GCN1: variants seen among roughly 807,000 people sequenced by gnomAD.
GCN1 encodes GCN1 activator of EIF2AK4, also known as stalled ribosome sensor GCN1.
A neutral mutation model predicts 288.4 loss-of-function variants in GCN1; 90 were observed. The ratio of observed to expected loss-of-function variants is 0.31; its 90% CI spans 0.26 to 0.37. The LOEUF (loss-of-function observed/expected upper bound fraction) is 0.37, where lower values mean the gene tolerates loss of function less well. GCN1 is among the 10% of genes least tolerant of loss of function. The pLI is 1.00. For synonymous variants in GCN1, 1,386 were observed against 1,420.2 expected (o/e 0.98, Z 0.54); for missense variants, 2,586 against 3,419.9 (o/e 0.76, Z 6.08).
chr12:120,171,016 C>A (rs1878297357), intron 14 of GCN1, among the ~76,000 whole-genome samples: 1 of 151,762 alleles, frequency 6.6e-6, no homozygotes, highest in African/African-American at 2.4e-5. Context: ...TGGTGCACGC[C>A]TGTAATCCCA....
At position 120,144,803 on chromosome 12, in the gene GCN1, C is replaced by T; in HGVS notation, c.5188G>A (p.Glu1730Lys). ...TCTGGCATCAACTTCTCCAACTTCTCCACCCCCAAACCGGCCATGACCTCA... is the reference window on the plus strand; with the variant it reads ...TCTGGCATCAACTTCTCCAACTTCTTCACCCCCAAACCGGCCATGACCTCA... ...LAEVMAGLGV[E>K]KLEKLMPEIV... is the part of the protein sequence containing the mutation. The change falls in exon 41 of 58, where the codon GAG becomes AAG. Residue 1730 changes from glutamate to lysine, a missense_variant. Physicochemically the swap from Glu to Lys is moderately conservative, Grantham distance 56 (BLOSUM62 1). Around this residue, in one of 8 missense-constraint regions of GCN1, gnomAD observed 371 missense variants for 572.6 expected, o/e 0.65. Transcript: ENST00000300648. This position sits in a 1 kb window ranked among gnomAD's most constrained non-coding sequence, Gnocchi z 4.7. 6.2e-7 allele frequency: 1 copy of T among 1,614,202 alleles called. No homozygotes were observed. The highest frequency in any genetic ancestry group is 8.5e-7 in the Non-Finnish European group (1 of 1,180,020).
chr12:120,137,448 G>A lies in GCN1; in HGVS notation c.6663+97C>T. 6.9e-7 allele frequency: 1 copy of A among 1,443,242 alleles called. No individual in the cohort carries two copies. Among genetic ancestry groups the A allele is most frequent in the Non-Finnish European group, 9.7e-7 (1 of 1,033,114 alleles). The allele number at this position is 1,443,242 out of a possible 1,614,324, so 89.4% of individuals were successfully genotyped here. A position where few individuals can be genotyped will look rare whatever the true frequency, so the allele number is the denominator to read the frequency against. ...ACGAGTGGGTAAACGCCGAAGCTGA[G>A]TGACAGGTACGTGGGGGATTCTTAT... On this transcript the variant is annotated intron_variant, in intron 49 of 57. Coordinates refer to ENST00000300648, the MANE Select transcript of GCN1 (RefSeq NM_006836.2). The surrounding 1 kb of genome is among the most constrained non-coding windows in gnomAD (Gnocchi z 5.2).
intron 2 of GCN1, among the ~76,000 whole-genome samples, chr12:120,185,874 C>T (rs1878804988): frequency 6.6e-6 from 1 of 152,048 alleles, no homozygotes; most frequent in Admixed American, 6.6e-5. Flanking sequence ...GCTAGGATTA[C>T]AGGCGTGAGC....
At chr12:120,147,331 T>C (rs953302107) in intron 37 of GCN1, 59 bp from the exon 38 acceptor site, 1 of 953,440 alleles carries the variant, frequency 1.0e-6, no homozygotes, top group African/African-American at 1.6e-5. Context: ...GCAAGGCCCC[T>C]GGGCCCCCAG....
chr12:120,166,218 C>T (rs1453998165), intron 16 of GCN1, among the ~76,000 whole-genome samples: 1 of 151,664 alleles, frequency 6.6e-6, no homozygotes, highest in Non-Finnish European at 1.5e-5. Context: ...GCCTGGCCAA[C>T]ATAGTAAAAC....
chr12:120,168,069 A>G, intron 16 of GCN1, 139 bp downstream of exon 16: 1 of 662,344 alleles, frequency 1.5e-6, no homozygotes, highest in Non-Finnish European at 2.7e-6. Context: ...TATTCCCACA[A>G]CAGCTAAGCT....
intron 31 of GCN1, 120 bp downstream of exon 31, chr12:120,154,850 C>A: frequency 8.1e-7 from 1 of 1,233,850 alleles, no homozygotes; most frequent in Non-Finnish European, 1.2e-6. Flanking sequence ...CAGGCCTCCC[C>A]GACTCTGAGG....
chr12:120,142,787 C>G lies in GCN1; in HGVS notation c.5613+37G>C. On this transcript the variant is annotated intron_variant, in intron 43 of 57. Coordinates refer to ENST00000300648, the MANE Select transcript of GCN1 (RefSeq NM_006836.2). The surrounding 1 kb of genome is among the most constrained non-coding windows in gnomAD (Gnocchi z 4.9). ...TATGGCATGGGCATCAGGGCACACC[C>G]TACCATCAGCAGGGGCAGGAAAGCC... The G allele has an allele frequency of 1.3e-6, 2 of 1,597,368 alleles. No homozygotes were observed. Among genetic ancestry groups the G allele is most frequent in the South Asian group, 2.2e-5 (2 of 90,724 alleles).
In GCN1 at chr12:120,158,636, C is replaced by A. The variant is rs2139111921; in HGVS notation, c.2750-21G>T. 1 of 1,585,492 alleles carries A rather than the reference C, an allele frequency of 6.3e-7. No homozygotes were observed. Among genetic ancestry groups the A allele is most frequent in the Non-Finnish European group, 8.6e-7 (1 of 1,164,784 alleles). ...AGTGCCTGTGTTGAAGAGGAGAGAC[C>A]CAGCAGGAGATGACACACAGAGATG... On this transcript the variant is annotated intron_variant, in intron 24 of 57. Transcript: ENST00000300648. This position sits in a 1 kb window ranked among gnomAD's most constrained non-coding sequence, Gnocchi z 4.3.
Position 120,144,632 on chromosome 12 carries a change from T to C in GCN1, c.5352+7A>G, listed in dbSNP as rs1427793659. 6.2e-7 allele frequency: 1 copy of C among 1,612,000 alleles called. No individual in the cohort carries two copies. Among genetic ancestry groups the C allele is most frequent in the Admixed American group, 1.7e-5 (1 of 60,018 alleles). On this transcript the variant is annotated splice_region_variant and intron_variant, in intron 41 of 57. Coordinates refer to ENST00000300648, the MANE Select transcript of GCN1 (RefSeq NM_006836.2). This position sits in a 1 kb window ranked among gnomAD's most constrained non-coding sequence, Gnocchi z 4.7. Reference sequence around the variant, plus strand: ...GACTCTACCCTTGCCAAGGTCATGGTACCTACTTTGAGGATACAGGGGATG... The same window carrying C: ...GACTCTACCCTTGCCAAGGTCATGGCACCTACTTTGAGGATACAGGGGATG...
chr12:120,147,243 TCA>T lies in GCN1; in HGVS notation c.4754_4755del (p.Leu1585HisfsTer24). 6.2e-7 allele frequency: 1 copy of T among 1,606,876 alleles called. No individual in the cohort carries two copies. Among genetic ancestry groups the T allele is most frequent in the Non-Finnish European group, 8.5e-7 (1 of 1,174,580 alleles). ...TTCTGGGTCTTCCTGGAGGGATCCG[TCA>T]GGGCATCCAGGAGGACTGGAGCAAT... ...LAIAPVLLDA[L>X]TDPSRKTQKC... On this transcript the variant is annotated frameshift_variant, in exon 38 of 58. Coordinates refer to ENST00000300648, the MANE Select transcript of GCN1 (RefSeq NM_006836.2). LOFTEE classifies it high-confidence loss of function.
At chr12:120,164,228 A>G in intron 18 of GCN1, 108 bp downstream of exon 18, 1 of 846,730 alleles carries the variant, frequency 1.2e-6, no homozygotes, top group African/African-American at 1.7e-5. Context: ...GGCATCACAC[A>G]GATTAAGAAA....
chr12:120,140,891 T>C lies in GCN1; in HGVS notation c.5962A>G (p.Ser1988Gly), dbSNP rs762941257. 1.3e-5 allele frequency: 21 copies of C among 1,614,054 alleles called. No homozygotes were observed. Among genetic ancestry groups the C allele is most frequent in the Non-Finnish European group, 1.8e-5 (21 of 1,179,990 alleles). Reference protein sequence around the residue: ...DERQGVCIGLSEIMKSTSRDA... With the variant: ...DERQGVCIGLGEIMKSTSRDA... ...CGGCTGGTGGACTTCATGATCTCAC[T>C]TAGGCCAATGCACACACCCTGCCTC... The change falls in exon 45 of 58, where the codon AGT (serine) becomes GGT (glycine). Residue 1988 changes from serine (S) to glycine (G), a missense_variant. Ser to Gly is a moderately conservative substitution (Grantham distance 56, BLOSUM62 0). Transcript: ENST00000300648.
chr12:120,142,103 C>T lies in GCN1; in HGVS notation c.5829+404G>A, dbSNP rs1877215341. ...GCACTTTGGGAGGCCGAGACGGGCG[C>T]ATCACGAGGTCAGGAGATCGAGACC... On this transcript the variant is annotated intron_variant, in intron 44 of 57. Coordinates refer to ENST00000300648, the MANE Select transcript of GCN1 (RefSeq NM_006836.2). The surrounding 1 kb of genome is among the most constrained non-coding windows in gnomAD (Gnocchi z 4.9). 6.6e-6 allele frequency among the ~76,000 whole-genome samples: 1 copy of T among 151,996 alleles called. No individual in the cohort carries two copies. The highest frequency in any genetic ancestry group is 1.5e-5 in the Non-Finnish European group (1 of 68,006).
At chr12:120,193,981 GA>G (rs1307226336) in intron 1 of GCN1, among the ~76,000 whole-genome samples, 1 of 152,194 alleles carries the variant, frequency 6.6e-6, no homozygotes, top group Non-Finnish European at 1.5e-5. Context: ...CTGGGTGGAG[GA>G]AAAGGTTTTC....
chr12:120,176,086 A>C, intron 10 of GCN1, 57 bp downstream of exon 10: 1 of 1,375,846 alleles, frequency 7.3e-7, no homozygotes, highest in South Asian at 1.2e-5. Context: ...CAATTAGGAC[A>C]AGTACAACCA....
chr12:120,155,504 C>T lies in GCN1; in HGVS notation c.3441-74G>A, dbSNP rs368447490. ...TTGCCCTGCCAGCCCAGCCCTTCTT[C>T]CCACTGGAGGCTGAGCACACTGGGT... is the stretch of plus-strand genomic sequence containing the variant. On this transcript the variant is annotated intron_variant, in intron 29 of 57. Coordinates refer to ENST00000300648, the MANE Select transcript of GCN1 (RefSeq NM_006836.2). This position sits in a 1 kb window ranked among gnomAD's most constrained non-coding sequence, Gnocchi z 4.9. The T allele has an allele frequency of 6.2e-7, 1 of 1,600,302 alleles. No homozygotes were observed.
chr12:120,166,789 T>C (rs1158091110), intron 16 of GCN1, among the ~76,000 whole-genome samples: 1 of 150,232 alleles, frequency 6.7e-6, no homozygotes, highest in East Asian at 2.0e-4. Context: ...GGCAGGAGAA[T>C]TGCTTAAGCC....
At position 120,178,615 on chromosome 12, in the gene GCN1, T is replaced by G. The variant is rs1449165390; in HGVS notation, c.660+10A>C. The stretch of plus-strand genomic sequence containing the variant: ...TAGCAAACCCACAGTCACTCTGCCT[T>G]GGCACTTGCCTTGTGCTGACTGACC... On this transcript the variant is annotated intron_variant, in intron 7 of 57. Coordinates refer to ENST00000300648, the MANE Select transcript of GCN1 (RefSeq NM_006836.2). 1 of 1,614,050 alleles carries G rather than the reference T, an allele frequency of 6.2e-7. No homozygotes were observed. The highest frequency in any genetic ancestry group is 8.5e-7 in the Non-Finnish European group (1 of 1,179,968).
Sources: gnomAD v4.1 joint callset for allele counts (sites outside exome capture counted in the v4.1 genomes callset) on GRCh38, gnomAD v4.1.1 for gene constraint, gnomAD v4.1.1 regional missense constraint, Gnocchi (gnomAD v3.1) non-coding constraint, MANE v1.5 for transcripts, NCBI Gene and HGNC (gene_info 2026-07-23, HGNC 2026-07-21) for gene names.